Variants in HHAT observed in about 807,000 individuals in gnomAD.
The protein encoded by HHAT is hedgehog acyltransferase.
Under a neutral mutation model 70.8 loss-of-function variants are expected in HHAT, and 47 were observed. The observed-to-expected ratio is 0.66, with a 90% confidence interval of 0.53 to 0.85. The LOEUF (loss-of-function observed/expected upper bound fraction) is 0.85. HHAT is among the 40% of genes least tolerant of loss of function. HHAT has a pLI of 0.00. For synonymous variants in HHAT, 228 were observed against 247.6 expected (o/e 0.92, Z 0.74); for missense variants, 609 against 604.8 (o/e 1.01, Z -0.07).
intron 11 of HHAT, among the ~76,000 whole-genome samples, chr1:210,669,558 TATTA>T (rs1011162327): frequency 2.6e-5 from 4 of 152,254 alleles, no homozygotes; most frequent in Non-Finnish European, 5.9e-5. Flanking sequence ...TAATCTGTCC[TATTA>T]ATTATATTAT....
At chr1:210,596,488 G>T (rs1249032523) in intron 10 of HHAT, among the ~76,000 whole-genome samples, 1 of 151,874 alleles carries the variant, frequency 6.6e-6, no homozygotes, top group Non-Finnish European at 1.5e-5. Context: ...CTGTTTTCTA[G>T]ATCTTATAGG....
chr1:210,342,874 TA>T lies in HHAT; in HGVS notation c.-43-6056del, dbSNP rs2086156165. ...TTTCCTTTTCTTTTACATTGTGTCA[TA>T]AATCCCTTAAGACATATCTACTCTG... On this transcript the variant is annotated intron_variant, in intron 1 of 11. Transcript: ENST00000261458. 3.9e-5 allele frequency among the ~76,000 whole-genome samples: 6 copies of T among 152,314 alleles called. No individual in the cohort carries two copies. The South Asian group carries it at 1.2e-3, about 32-fold the overall frequency.
At chr1:210,520,752 T>C (rs2095144357) in intron 9 of HHAT, among the ~76,000 whole-genome samples, 1 of 152,240 alleles carries the variant, frequency 6.6e-6, no homozygotes, top group African/African-American at 2.4e-5. Context: ...AATTTTGTTT[T>C]CTATATTATT....
chr1:210,337,809 C>T (rs1239701773), intron 1 of HHAT, among the ~76,000 whole-genome samples: 2 of 151,572 alleles, frequency 1.3e-5, no homozygotes, highest in African/African-American at 4.9e-5. Flanking sequence ...AGGACATGGA[C>T]ACTTCTAGGG....
At chr1:210,662,569 T>C (rs1677971777) in intron 11 of HHAT, among the ~76,000 whole-genome samples, 1 of 152,170 alleles carries the variant, frequency 6.6e-6, no homozygotes, top group South Asian at 2.1e-4. Flanking sequence ...AGCCTCTGGC[T>C]CCAGGGGCCT....
At chr1:210,332,640 G>A (rs1043484631) in intron 1 of HHAT, among the ~76,000 whole-genome samples, 1 of 152,206 alleles carries the variant, frequency 6.6e-6, no homozygotes, top group Admixed American at 6.5e-5. Context: ...TTGTGCTTAT[G>A]TTTTTTCTTT....
chr1:210,388,667 AT>A (rs935130930), intron 4 of HHAT, among the ~76,000 whole-genome samples: 5 of 151,720 alleles, frequency 3.3e-5, no homozygotes, highest in East Asian at 3.9e-4. Flanking sequence ...CCTAATAATA[AT>A]TTTTTTTGTT....
rs145938430 is a variant in HHAT at position 210,459,925 on chromosome 1, G to A, written c.857-4580G>A. 2.0e-3 allele frequency among the ~76,000 whole-genome samples: 306 copies of A among 152,312 alleles called. 2 individuals carry two copies. The highest frequency in any genetic ancestry group is 3.4e-3 in the Middle Eastern group (1 of 294). On this transcript the variant is annotated intron_variant, in intron 7 of 11. Coordinates refer to ENST00000261458, the MANE Select transcript of HHAT (RefSeq NM_018194.6). ...TAGTTGCAGTCAGACATCAGCCAGG[G>A]TTGCCATCTTTCAAAGGTGTAACTG...
At chr1:210,595,035 T>A (rs1016940484) in intron 10 of HHAT, among the ~76,000 whole-genome samples, 2 of 152,182 alleles carry the variant, frequency 1.3e-5, no homozygotes, top group Admixed American at 1.3e-4. Flanking sequence ...TACATATGTA[T>A]ACATGTGCCA....
At chr1:210,594,525 AGTTGTT>A (rs913947642) in intron 10 of HHAT, among the ~76,000 whole-genome samples, 1 of 152,100 alleles carries the variant, frequency 6.6e-6, no homozygotes, top group Non-Finnish European at 1.5e-5. Context: ...TGTCTTTAAA[AGTTGTT>A]GTTGTTATTT....
At chr1:210,641,566 C>T (rs979494239) in intron 11 of HHAT, among the ~76,000 whole-genome samples, 15 of 152,200 alleles carry the variant, frequency 9.9e-5, no homozygotes, top group African/African-American at 3.4e-4. Context: ...AGCAGTTCTG[C>T]TATAATGCTT....
intron 9 of HHAT, among the ~76,000 whole-genome samples, chr1:210,537,570 T>A (rs1371482773): frequency 6.6e-6 from 1 of 152,068 alleles, no homozygotes; most frequent in African/African-American, 2.4e-5. Context: ...TCAGCTGCAG[T>A]AGGTGAAAAT....
intron 2 of HHAT, among the ~76,000 whole-genome samples, chr1:210,361,036 A>G (rs67585440): frequency 0.11 from 16,176 of 152,068 alleles, 1,054 homozygotes; most frequent in Non-Finnish European, 0.15. Flanking sequence ...TAGCGTGTAA[A>G]TGCCACTGCT....
chr1:210,351,540 C>G (rs1179194823), intron 2 of HHAT, among the ~76,000 whole-genome samples: 3 of 152,144 alleles, frequency 2.0e-5, no homozygotes, highest in Non-Finnish European at 2.9e-5. Context: ...TTTTTGTGTT[C>G]TGTGAGATTT....
intron 8 of HHAT, among the ~76,000 whole-genome samples, chr1:210,477,103 A>G (rs987503330): frequency 2.0e-5 from 3 of 152,202 alleles, no homozygotes; most frequent in African/African-American, 7.2e-5. Context: ...TGGGACCACA[A>G]AAGGACTGAA....
intron 3 of HHAT, among the ~76,000 whole-genome samples, chr1:210,373,639 A>T (rs1297654631): frequency 6.6e-6 from 1 of 152,188 alleles, no homozygotes; most frequent in South Asian, 2.1e-4. Flanking sequence ...CTCAGGTCAA[A>T]TTCTATCTGG....
chr1:210,368,709 C>A (rs532963908), intron 3 of HHAT, among the ~76,000 whole-genome samples: 8 of 152,164 alleles, frequency 5.3e-5, no homozygotes, highest in Non-Finnish European at 8.8e-5. Flanking sequence ...AGAATAGATA[C>A]ACAATACCTG....
chr1:210,539,352 C>T (rs2095406279), intron 9 of HHAT, among the ~76,000 whole-genome samples: 1 of 152,162 alleles, frequency 6.6e-6, no homozygotes, highest in Admixed American at 6.5e-5. Flanking sequence ...AACGACTTCT[C>T]TAAAAATGCT....
In HHAT at chr1:210,587,924, C is replaced by A; in HGVS notation, c.1070C>A (p.Ser357Tyr). 1.9e-6 allele frequency: 3 copies of A among 1,614,012 alleles called. No homozygotes were observed. The highest frequency in any genetic ancestry group is 2.5e-6 in the Non-Finnish European group (3 of 1,180,004). The change falls in exon 10 of 12, where the codon TCC becomes TAC. Residue 357 changes from serine (S) to tyrosine (Y), a missense_variant. By Grantham distance (144) the Ser-to-Tyr change is moderately radical (BLOSUM62 -2). Coordinates refer to ENST00000261458, the MANE Select transcript of HHAT (RefSeq NM_018194.6). ...IRYVYIPVGG[S>Y]QHGLLGTLFS... ...TATGTGTACATTCCAGTGGGCGGGT[C>A]CCAGCATGGCCTGCTGGGGACACTG...
Sources: allele counts gnomAD v4.1 joint callset (sites outside exome capture counted in the v4.1 genomes callset), GRCh38; gene constraint gnomAD v4.1.1; transcripts MANE v1.5; gene names NCBI Gene and HGNC (gene_info 2026-07-23, HGNC 2026-07-21).